The following TECPR2 variants were observed in gnomAD, a reference collection of about 807,000 sequenced individuals.
The protein encoded by TECPR2 is tectonin beta-propeller repeat containing 2, also known as tectonin beta-propeller repeat-containing protein 2.
A neutral mutation model predicts 138.1 loss-of-function variants in TECPR2; 65 were observed. The observed-to-expected ratio is 0.47, with a 90% CI of 0.39 to 0.58. The LOEUF is 0.58. Among genes scored for constraint, TECPR2 ranks in the 20% least tolerant of loss-of-function variants. The pLI, the probability that TECPR2 is intolerant of heterozygous loss-of-function variation, is 0.00. For missense variants in TECPR2, 1,553 were observed against 1,824.5 expected (o/e 0.85, Z 2.71); for synonymous variants, 746 against 749.8 (o/e 0.99, Z 0.08).
At chr14:102,372,922 A>G (rs1887544032) in intron 1 of TECPR2, among the ~76,000 whole-genome samples, 1 of 152,230 alleles carries the variant, frequency 6.6e-6, no homozygotes, top group Non-Finnish European at 1.5e-5. Context: ...TCAAAAAAAA[A>G]AGCAACTTTT....
chr14:102,469,556 AT>A (rs765032075), intron 17 of TECPR2, among the ~76,000 whole-genome samples: 3 of 152,084 alleles, frequency 2.0e-5, no homozygotes, highest in Non-Finnish European at 2.9e-5. Flanking sequence ...TATGTCTTTT[AT>A]TTTACTGTCT....
chr14:102,375,534 G>A lies in TECPR2; in HGVS notation c.-72-1116G>A, dbSNP rs183603792. Among the ~76,000 whole-genome samples the A allele has an allele frequency of 2.2e-3, 332 of 152,304 alleles. 3 individuals carry two copies. The highest frequency in any genetic ancestry group is 7.5e-3 in the African/African-American group (312 of 41,562). ...ACAGCCAATGCAAGGGCCCTGGGGT[G>A]AGAACGAGCTGGATTAATTTGATCA... is the stretch of plus-strand genomic sequence containing the variant. On this transcript the variant is annotated intron_variant, in intron 1 of 19. Coordinates refer to ENST00000359520, the MANE Select transcript of TECPR2 (RefSeq NM_014844.5).
chr14:102,442,243 C>T (rs1438698652), intron 11 of TECPR2, among the ~76,000 whole-genome samples: 1 of 152,220 alleles, frequency 6.6e-6, no homozygotes, highest in Admixed American at 6.5e-5. Context: ...TCCCAAAATG[C>T]TGGCATTATA....
At chr14:102,422,082 A>G (rs1257953599) in intron 5 of TECPR2, among the ~76,000 whole-genome samples, 1 of 152,198 alleles carries the variant, frequency 6.6e-6, no homozygotes, top group Non-Finnish European at 1.5e-5. Flanking sequence ...TCTAAACTTG[A>G]ATATGCTCTC....
intron 2 of TECPR2, among the ~76,000 whole-genome samples, chr14:102,401,924 C>T (rs1888502449): frequency 6.6e-6 from 1 of 151,210 alleles, no homozygotes; most frequent in African/African-American, 2.4e-5. Flanking sequence ...GGCTATTCTA[C>T]TATCAGACAA....
At chr14:102,384,758 T>A (rs1189541990) in intron 2 of TECPR2, among the ~76,000 whole-genome samples, 1 of 149,460 alleles carries the variant, frequency 6.7e-6, no homozygotes, top group African/African-American at 2.5e-5. Context: ...TGTGTGTATA[T>A]ATATATATCT....
At chr14:102,445,608 C>G (rs1167451851) in intron 12 of TECPR2, among the ~76,000 whole-genome samples, 198 bp from the exon 13 acceptor site, 1 of 152,062 alleles carries the variant, frequency 6.6e-6, no homozygotes, top group African/African-American at 2.4e-5. Context: ...CAAAAGCTGC[C>G]ACCCACTTGA....
intron 2 of TECPR2, among the ~76,000 whole-genome samples, chr14:102,400,290 C>T (rs901747176): frequency 2.0e-5 from 3 of 152,154 alleles, no homozygotes; most frequent in African/African-American, 7.2e-5. Context: ...GTTGATCTGC[C>T]CGCCTTGGCC....
intron 6 of TECPR2, among the ~76,000 whole-genome samples, chr14:102,425,736 T>C (rs946014733): frequency 6.6e-6 from 1 of 151,654 alleles, no homozygotes; most frequent in African/African-American, 2.4e-5. Context: ...CCACCACGCC[T>C]GGCTAATTTT....
intron 4 of TECPR2, among the ~76,000 whole-genome samples, chr14:102,412,853 G>T (rs1214190588): frequency 1.3e-5 from 2 of 152,098 alleles, no homozygotes; most frequent in Non-Finnish European, 2.9e-5. Context: ...CCAGCACTTT[G>T]GGAGGCCAAG....
At chr14:102,444,257 G>T (rs556309759) in intron 12 of TECPR2, among the ~76,000 whole-genome samples, 4 of 148,776 alleles carry the variant, frequency 2.7e-5, no homozygotes, top group African/African-American at 9.9e-5. Context: ...GCAGTGCCAC[G>T]ATCACGGCTC....
rs751957510 is a variant in TECPR2, at chr14:102,434,288, G to A, written c.1471G>A (p.Glu491Lys). 9.7e-5 allele frequency: 135 copies of A among 1,388,140 alleles called. No individual in the cohort carries two copies. The highest frequency in any genetic ancestry group is 1.9e-4 in the Middle Eastern group (1 of 5,210). 86.0% of individuals were successfully genotyped at this position (1,388,140 alleles called of 1,614,324 possible). A position where few individuals can be genotyped will look rare whatever the true frequency, so the allele number is the denominator to read the frequency against. ...CTCCCTGGAATCGACACCCTGCTCC[G>A]AATTTCCTGGGGACAGTCCCCAGTC... is the stretch of plus-strand genomic sequence containing the variant. Reference protein sequence around the residue: ...HSSLESTPCSEFPGDSPQSLN... With the variant: ...HSSLESTPCSKFPGDSPQSLN... The change falls in exon 9 of 20, where the codon GAA becomes AAA. Residue 491 changes from glutamate (E) to lysine (K), a missense_variant. Physicochemically the swap from Glu to Lys is moderately conservative, Grantham distance 56. Transcript: ENST00000359520.
chr14:102,454,160 A>G (rs1890220123), intron 16 of TECPR2, among the ~76,000 whole-genome samples: 1 of 148,152 alleles, frequency 6.7e-6, no homozygotes, highest in Non-Finnish European at 1.5e-5. Context: ...TCTCAAAAGA[A>G]AAAAAAAAAA....
chr14:102,460,916 C>T (rs1314145682), intron 16 of TECPR2, among the ~76,000 whole-genome samples: 2 of 151,788 alleles, frequency 1.3e-5, no homozygotes, highest in African/African-American at 2.4e-5. Context: ...AGGATGGTCT[C>T]GATCTCCTGA....
At chr14:102,410,133 A>T (rs186518535) in intron 4 of TECPR2, among the ~76,000 whole-genome samples, 6 of 152,358 alleles carry the variant, frequency 3.9e-5, no homozygotes, top group African/African-American at 1.4e-4. Context: ...TTTTACTTTG[A>T]AATAATAAAT....
At chr14:102,479,081 C>G (rs1286010862) in intron 17 of TECPR2, among the ~76,000 whole-genome samples, 3 of 150,570 alleles carry the variant, frequency 2.0e-5, no homozygotes, top group African/African-American at 7.3e-5. Context: ...GTTAACTGAC[C>G]AAAAGTTAAA....
In TECPR2 at chr14:102,498,528, G is replaced by C. The variant is rs925528542; in HGVS notation, c.*271G>C. 6 of 529,076 alleles carry C rather than the reference G, an allele frequency of 1.1e-5. No homozygotes were observed. Among genetic ancestry groups the C allele is most frequent in the Middle Eastern group, 5.2e-4 (1 of 1,926 alleles). The allele number at this position is 529,076 out of a possible 1,614,324, so 32.8% of individuals were successfully genotyped here. ...GGCTGCATGCACTCCGATTACCCACGTGCTGCCGTCCTGGTCTCATCCACA... is the reference window on the plus strand; with the variant it reads ...GGCTGCATGCACTCCGATTACCCACCTGCTGCCGTCCTGGTCTCATCCACA... On this transcript the variant is annotated 3_prime_UTR_variant, in exon 20 of 20. Transcript: ENST00000359520.
At chr14:102,471,656 T>A (rs1890654211) in intron 17 of TECPR2, among the ~76,000 whole-genome samples, 1 of 151,890 alleles carries the variant, frequency 6.6e-6, no homozygotes, top group Non-Finnish European at 1.5e-5. Flanking sequence ...GAGCTATGAT[T>A]GCCAGTTTTA....
At position 102,500,682 on chromosome 14, in the gene TECPR2, TTCC is replaced by T. The variant is rs771561573; in HGVS notation, c.*2426_*2428del. 11 of 152,266 alleles carry T rather than the reference TTCC, an allele frequency of 7.2e-5. No individual in the cohort carries two copies. The highest frequency in any genetic ancestry group is 1.3e-4 in the Non-Finnish European group (9 of 68,046). The allele number at this position is 152,266 out of a possible 1,614,324, so 9.4% of individuals were successfully genotyped here. A position where few individuals can be genotyped will look rare whatever the true frequency, so the allele number is the denominator to read the frequency against. Reference sequence around the variant, plus strand: ...GGAAACTTGAATAAAGGAAGATATGTTCCACATTCCTGGATGGAGGACTACACA... The same window carrying T: ...GGAAACTTGAATAAAGGAAGATATGTACATTCCTGGATGGAGGACTACACA... On this transcript the variant is annotated 3_prime_UTR_variant, in exon 20 of 20. Transcript: ENST00000359520.
Sources: gnomAD v4.1 joint callset for allele counts (sites outside exome capture counted in the v4.1 genomes callset) on GRCh38, gnomAD v4.1.1 for gene constraint, MANE v1.5 for transcripts, NCBI Gene and HGNC (gene_info 2026-07-23, HGNC 2026-07-21) for gene names.